CNTLN: variants seen among roughly 807,000 people sequenced by gnomAD.
The protein encoded by CNTLN is centlein.
In CNTLN, 212 loss-of-function variants were observed where a neutral mutation model predicts 180.0. The ratio of observed to expected loss-of-function variants is 1.18; its 90% CI spans 1.05 to 1.32. The LOEUF is 1.32. Among genes scored for constraint, CNTLN ranks in the 40% most tolerant of loss-of-function variants. The pLI, the probability that CNTLN is intolerant of heterozygous loss-of-function variation, is 0.00. For missense variants in CNTLN, 2,095 were observed against 1,610.9 expected, an observed-to-expected ratio of 1.30 and a Z score of -5.14; for synonymous variants, 722 against 563.1, an observed-to-expected ratio of 1.28 and a Z score of -3.99.
chr9:17,234,677 T>TA (rs141519315), intron 3 of CNTLN, among the ~76,000 whole-genome samples: 3,372 of 148,422 alleles, frequency 0.023, 66 homozygotes, highest in Non-Finnish European at 0.029. Context: ...GCATATTACT[T>TA]AAAAAAAAAA....
chr9:17,146,979 C>T (rs899380941), intron 2 of CNTLN, among the ~76,000 whole-genome samples: 1 of 151,934 alleles, frequency 6.6e-6, no homozygotes, highest in Non-Finnish European at 1.5e-5. Context: ...ATTTCCTTGT[C>T]TTTCTCTTTG....
intron 23 of CNTLN, among the ~76,000 whole-genome samples, chr9:17,473,876 G>A (rs984185141): frequency 2.0e-5 from 3 of 152,110 alleles, no homozygotes; most frequent in Non-Finnish European, 4.4e-5. Flanking sequence ...GAACCCTTGG[G>A]AGCATTTGAT....
At chr9:17,514,088 G>A in the CNTLN span, among the ~76,000 whole-genome samples, 2 of 151,610 alleles carry the variant, frequency 1.3e-5, no homozygotes, top group African/African-American at 2.4e-5. Flanking sequence ...TGGGAGGATC[G>A]CTTGAGCCCA....
chr9:17,433,738 C>A (rs1829576298), intron 18 of CNTLN, among the ~76,000 whole-genome samples: 1 of 151,972 alleles, frequency 6.6e-6, no homozygotes. Flanking sequence ...TGTCACCATG[C>A]CCAACTATTT....
At chr9:17,333,459 T>C (rs1237536243) in intron 10 of CNTLN, among the ~76,000 whole-genome samples, 1 of 152,098 alleles carries the variant, frequency 6.6e-6, no homozygotes, top group Non-Finnish European at 1.5e-5. Context: ...TCTCAAGTAG[T>C]TTTATGATAT....
intron 18 of CNTLN, among the ~76,000 whole-genome samples, chr9:17,442,893 A>G (rs772935900): frequency 3.3e-5 from 5 of 152,090 alleles, no homozygotes; most frequent in Non-Finnish European, 7.4e-5. Context: ...TTTTTTTACC[A>G]CAATAAAAAA....
intron 2 of CNTLN, among the ~76,000 whole-genome samples, chr9:17,165,208 G>T (rs1819984940): frequency 6.6e-6 from 1 of 152,084 alleles, no homozygotes. Flanking sequence ...TGTATTGAGA[G>T]AATACCACAT....
At chr9:17,277,494 A>C (rs1282960384) in intron 6 of CNTLN, among the ~76,000 whole-genome samples, 1 of 152,130 alleles carries the variant, frequency 6.6e-6, no homozygotes, top group Admixed American at 6.6e-5. Flanking sequence ...ATTATATCTA[A>C]AGTTTTACAA....
intron 2 of CNTLN, among the ~76,000 whole-genome samples, chr9:17,206,261 C>T (rs1394058820): frequency 6.6e-6 from 1 of 152,052 alleles, no homozygotes; most frequent in East Asian, 1.9e-4. Flanking sequence ...TTGCCTAAGC[C>T]CTAACTAAAC....
chr9:17,511,027 C>T, the CNTLN span, among the ~76,000 whole-genome samples: 2 of 152,198 alleles, frequency 1.3e-5, no homozygotes, highest in South Asian at 4.1e-4. Flanking sequence ...TCTGCATCTT[C>T]TCCAGGACTT....
At chr9:17,480,261 C>T (rs1832573044) in intron 23 of CNTLN, among the ~76,000 whole-genome samples, 1 of 151,844 alleles carries the variant, frequency 6.6e-6, no homozygotes, top group Non-Finnish European at 1.5e-5. Flanking sequence ...CCCCCAACAT[C>T]CAAAGAACTG....
chr9:17,155,370 T>A (rs1819201510), intron 2 of CNTLN, among the ~76,000 whole-genome samples: 1 of 151,890 alleles, frequency 6.6e-6, no homozygotes, highest in Non-Finnish European at 1.5e-5. Context: ...TGCTGGGAGG[T>A]CCGCTGCTCT....
At chr9:17,367,745 C>T (rs1823950537) in intron 13 of CNTLN, among the ~76,000 whole-genome samples, 1 of 152,118 alleles carries the variant, frequency 6.6e-6, no homozygotes, top group Non-Finnish European at 1.5e-5. Flanking sequence ...ACATCCTGGG[C>T]TAGAAGCGAA....
rs1007471969 is a variant in CNTLN at position 17,290,932 on chromosome 9, C to T, written c.984-7258C>T. On this transcript the variant is annotated intron_variant, in intron 6 of 25. Transcript: ENST00000380647. The stretch of plus-strand genomic sequence containing the variant: ...CTGGCACTCCCTAGTGAGAGAAACC[C>T]GGTACCTCAGATGGAAATGCAGAAA... Among the ~76,000 whole-genome samples, 9 of 152,138 alleles carry T rather than the reference C, an allele frequency of 5.9e-5. No individual in the cohort carries two copies. The South Asian group carries it at 6.2e-4, about 11-fold the overall frequency.
At chr9:17,490,259 G>A (rs1833086711) in intron 25 of CNTLN, among the ~76,000 whole-genome samples, 1 of 152,056 alleles carries the variant, frequency 6.6e-6, no homozygotes, top group Non-Finnish European at 1.5e-5. Context: ...GTGAGAGTCT[G>A]GATGTGGCCT....
intron 13 of CNTLN, among the ~76,000 whole-genome samples, chr9:17,385,287 C>T (rs1825599107): frequency 2.6e-5 from 4 of 152,166 alleles, no homozygotes; most frequent in Admixed American, 2.6e-4. Context: ...ATTAAGTAGC[C>T]ATCATTGATT....
Position 17,293,402 on chromosome 9 carries a change from G to T in CNTLN, c.984-4788G>T, listed in dbSNP as rs551795381. On this transcript the variant is annotated intron_variant, in intron 6 of 25. Coordinates refer to ENST00000380647, the MANE Select transcript of CNTLN (RefSeq NM_017738.4). Reference sequence around the variant, plus strand: ...CTAAGTCTGCTAATCTGTGAATACTGTGGCTGCCTCTCCCACTAGAGGCTC... The same window carrying T: ...CTAAGTCTGCTAATCTGTGAATACTTTGGCTGCCTCTCCCACTAGAGGCTC... Among the ~76,000 whole-genome samples, 8 of 152,330 alleles carry T rather than the reference G, an allele frequency of 5.3e-5. No homozygotes were observed. In the South Asian group the frequency reaches 1.7e-3, roughly 32 times the overall value.
intron 6 of CNTLN, among the ~76,000 whole-genome samples, chr9:17,295,071 C>T (rs1318113223): frequency 1.3e-5 from 2 of 151,942 alleles, no homozygotes; most frequent in African/African-American, 2.4e-5. Context: ...CGGCTGCTGG[C>T]CTGGGTGCTA....
intron 8 of CNTLN, among the ~76,000 whole-genome samples, chr9:17,315,396 A>G (rs549328100): frequency 1.3e-5 from 2 of 152,014 alleles, no homozygotes; most frequent in East Asian, 3.9e-4. Context: ...TTTACTTTTT[A>G]TAGCTTCTCT....
Sources: allele counts gnomAD v4.1 joint callset (sites outside exome capture counted in the v4.1 genomes callset), GRCh38; gene constraint gnomAD v4.1.1; transcripts MANE v1.5; gene names NCBI Gene and HGNC (gene_info 2026-07-23, HGNC 2026-07-21).